STOX1: variants seen among roughly 807,000 people sequenced by gnomAD.
STOX1 encodes storkhead-box protein 1.
Under a neutral mutation model 74.8 loss-of-function variants are expected in STOX1, and 57 were observed. That is an observed-to-expected ratio of 0.76 (90% confidence interval 0.62 to 0.95). The LOEUF (loss-of-function observed/expected upper bound fraction) is 0.95, where lower values mean the gene tolerates loss of function less well. STOX1 is among the 40% of genes least tolerant of loss of function. The probability of loss-of-function intolerance (pLI) is 0.00; values close to 1 mark genes in which losing one functional copy is unlikely to be tolerated. For missense variants in STOX1, 1,010 were observed against 1,117.0 expected, an observed-to-expected ratio of 0.90 and a Z score of 1.37; for synonymous variants, 375 against 401.3, an observed-to-expected ratio of 0.93 and a Z score of 0.78.
intron 1 of STOX1, among the ~76,000 whole-genome samples, chr10:68,873,884 C>T (rs1840609515): frequency 6.6e-6 from 1 of 150,814 alleles, no homozygotes; most frequent in African/African-American, 2.4e-5. Flanking sequence ...CCCCTGACCT[C>T]GTGATCCACC....
Position 68,885,333 on chromosome 10 carries a change from A to G in STOX1, c.1537A>G (p.Ile513Val), listed in dbSNP as rs1840916722. The G allele has an allele frequency of 7.4e-6, 12 of 1,614,236 alleles. No homozygotes were observed. In the Admixed American group the frequency reaches 1.8e-4, roughly 25 times the overall value. ...AAGCACAATATCCAAAGGGCACAAA[A>G]TTCAGAAGACGAGTGATCTGAAACC... is the stretch of plus-strand genomic sequence containing the variant. The part of the protein sequence containing the change: ...RGSTISKGHK[I>V]QKTSDLKPSQ... Residue 513 changes from isoleucine (I) to valine (V), a missense_variant, in exon 3 of 4, where the codon ATT becomes GTT. By Grantham distance (29) the Ile-to-Val change is conservative. Coordinates refer to ENST00000298596, the MANE Select transcript of STOX1 (RefSeq NM_152709.5).
Position 68,827,741 on chromosome 10 carries a change from T to G in STOX1, c.118T>G (p.Phe40Val). 1.2e-6 allele frequency: 1 copy of G among 804,172 alleles called. No individual in the cohort carries two copies. Among genetic ancestry groups the G allele is most frequent in the Non-Finnish European group, 1.5e-6 (1 of 662,008 alleles). 49.8% of individuals were successfully genotyped at this position (804,172 alleles called of 1,614,324 possible). A position where few individuals can be genotyped will look rare whatever the true frequency, so the allele number is the denominator to read the frequency against. ...TGGTGGGCGCGCGGTGTTCCGCGCT[T>G]TCCGTCGCGCCAACGCGCGCTGCTT... ...EPGGRAVFRA[F>V]RRANARCFWN... Residue 40 changes from phenylalanine to valine, a missense_variant, in exon 1 of 4, where the codon TTC becomes GTC. Transcript: ENST00000298596.
intron 3 of STOX1, among the ~76,000 whole-genome samples, chr10:68,891,541 C>T (rs535922891): frequency 6.7e-4 from 102 of 152,276 alleles, no homozygotes; most frequent in South Asian, 4.3e-3. Flanking sequence ...CAGTGGCTCA[C>T]GCCTGTAATC....
intron 1 of STOX1, among the ~76,000 whole-genome samples, chr10:68,869,857 A>G (rs987090846): frequency 5.3e-5 from 8 of 152,168 alleles, no homozygotes; most frequent in African/African-American, 1.9e-4. Flanking sequence ...ATTTCATGGA[A>G]TGAATGTTCC....
intron 1 of STOX1, among the ~76,000 whole-genome samples, chr10:68,870,071 TA>T (rs906438186): frequency 7.2e-5 from 11 of 151,732 alleles, no homozygotes; most frequent in African/African-American, 2.7e-4. Context: ...AGGACAGCTT[TA>T]AAAAAAAATC....
At chr10:68,858,317 T>C (rs1480042122) in intron 1 of STOX1, among the ~76,000 whole-genome samples, 3 of 152,094 alleles carry the variant, frequency 2.0e-5, no homozygotes, top group Non-Finnish European at 4.4e-5. Flanking sequence ...TCTTAAGAGT[T>C]GCAAACTTTA....
chr10:68,854,035 G>A (rs1169872752), intron 1 of STOX1, among the ~76,000 whole-genome samples: 3 of 145,104 alleles, frequency 2.1e-5, no homozygotes, highest in Non-Finnish European at 4.5e-5. Flanking sequence ...CACTCTTGTT[G>A]CCCAGGCTGG....
intron 1 of STOX1, chr10:68,829,026 T>G (rs1222733379): frequency 6.1e-6 from 6 of 984,680 alleles, no homozygotes; most frequent in Non-Finnish European, 7.2e-6. Context: ...AACCTTGTTC[T>G]TGTCTGCATT....
chr10:68,876,119 AAT>A (rs56325624), intron 1 of STOX1, among the ~76,000 whole-genome samples: 32 of 135,738 alleles, frequency 2.4e-4, no homozygotes, highest in East Asian at 2.3e-3. Context: ...TCTTTACCAG[AAT>A]ATATATATAT....
intron 1 of STOX1, among the ~76,000 whole-genome samples, chr10:68,860,373 A>G (rs1840234034): frequency 6.6e-6 from 1 of 151,400 alleles, no homozygotes; most frequent in African/African-American, 2.4e-5. Flanking sequence ...GGAGTTTGAG[A>G]CCAGCCTGAG....
intron 1 of STOX1, chr10:68,828,903 T>G (rs895330564): frequency 6.6e-6 from 6 of 902,328 alleles, no homozygotes; most frequent in Non-Finnish European, 8.0e-6. Context: ...AACAGCAGCT[T>G]TTTGCCTTTT....
Position 68,884,253 on chromosome 10 carries a change from G to A in STOX1, c.464-7G>A. The A allele has an allele frequency of 6.2e-7, 1 of 1,613,822 alleles. No individual in the cohort carries two copies. Among genetic ancestry groups the A allele is most frequent in the Non-Finnish European group, 8.5e-7 (1 of 1,179,810 alleles). ...AAATCTATCTGTAAAATGCTTGTCT[G>A]TTTTAGGCATTGCAATTCCATCGGA... is the stretch of plus-strand genomic sequence containing the variant. On this transcript the variant is annotated splice_polypyrimidine_tract_variant and splice_region_variant and intron_variant, in intron 2 of 3. Transcript: ENST00000298596.
rs751002512 is a variant in STOX1 at position 68,885,396 on chromosome 10, C to G, written c.1600C>G (p.Pro534Ala). 10 of 1,614,128 alleles carry G rather than the reference C, an allele frequency of 6.2e-6. No individual in the cohort carries two copies. Among genetic ancestry groups the G allele is most frequent in the Non-Finnish European group, 8.5e-6 (10 of 1,180,026 alleles). ...TGPKEKPFQK[P>A]RSLDSSRIFD... ...ACCAAAGGAAAAGCCTTTCCAAAAG[C>G]CTAGGTCCTTGGATTCCTCAAGAAT... Residue 534 changes from proline (P) to alanine (A), a missense_variant, in exon 3 of 4, where the codon CCT (proline) becomes GCT (alanine). Physicochemically the swap from Pro to Ala is conservative, Grantham distance 27 (BLOSUM62 -1). Coordinates refer to ENST00000298596, the MANE Select transcript of STOX1 (RefSeq NM_152709.5).
At chr10:68,858,053 T>C (rs1023776756) in intron 1 of STOX1, among the ~76,000 whole-genome samples, 1 of 152,052 alleles carries the variant, frequency 6.6e-6, no homozygotes, top group Non-Finnish European at 1.5e-5. Flanking sequence ...CCCAAGAGAA[T>C]CTGAGTTCTT....
At chr10:68,828,347 G>T in intron 1 of STOX1, 2 of 1,041,966 alleles carry the variant, frequency 1.9e-6, no homozygotes, top group Non-Finnish European at 2.4e-6. Context: ...GGGCGAGCGC[G>T]GCCCCGTCTT....
chr10:68,843,468 C>A (rs1277070789), intron 1 of STOX1, among the ~76,000 whole-genome samples: 1 of 152,100 alleles, frequency 6.6e-6, no homozygotes, highest in African/African-American at 2.4e-5. Context: ...ACTTTGCAAT[C>A]GTGCCATCAA....
At position 68,885,397 on chromosome 10, in the gene STOX1, C is replaced by G. The variant is rs1840919428; in HGVS notation, c.1601C>G (p.Pro534Arg). The change falls in exon 3 of 4, where the codon CCT becomes CGT. Residue 534 changes from proline to arginine, a missense_variant. By Grantham distance (103) the Pro-to-Arg change is moderately radical (BLOSUM62 -2). Transcript: ENST00000298596. ...TGPKEKPFQK[P>R]RSLDSSRIFD... ...CCAAAGGAAAAGCCTTTCCAAAAGC[C>G]TAGGTCCTTGGATTCCTCAAGAATC... The G allele has an allele frequency of 1.2e-6, 2 of 1,614,036 alleles. No individual in the cohort carries two copies. Among genetic ancestry groups the G allele is most frequent in the East Asian group, 2.2e-5 (1 of 44,898 alleles).
chr10:68,847,959 G>T (rs1256457368), intron 1 of STOX1, among the ~76,000 whole-genome samples: 1 of 152,128 alleles, frequency 6.6e-6, no homozygotes, highest in Admixed American at 6.5e-5. Flanking sequence ...TCAAACTCCC[G>T]ACCTCAGGTG....
At chr10:68,879,696 A>G (rs1319090627) in intron 1 of STOX1, among the ~76,000 whole-genome samples, 1 of 152,194 alleles carries the variant, frequency 6.6e-6, no homozygotes, top group African/African-American at 2.4e-5. Flanking sequence ...GATTTTGCAT[A>G]CAAATGGTCT....
Sources: allele counts gnomAD v4.1 joint callset (sites outside exome capture counted in the v4.1 genomes callset), GRCh38; gene constraint gnomAD v4.1.1; transcripts MANE v1.5; gene names NCBI Gene and HGNC (gene_info 2026-07-23, HGNC 2026-07-21).